TNIK: variants seen among roughly 807,000 people sequenced by gnomAD.
TNIK encodes TRAF2 and NCK interacting kinase.
A neutral mutation model predicts 191.3 loss-of-function variants in TNIK; 49 were observed. That is an observed-to-expected ratio of 0.26 (90% confidence interval 0.20 to 0.32). The LOEUF is 0.32. Among genes scored for constraint, TNIK ranks in the 10% least tolerant of loss-of-function variants. The probability of loss-of-function intolerance (pLI) is 1.00; values close to 1 mark genes in which losing one functional copy is unlikely to be tolerated. For synonymous variants in TNIK, 594 were observed against 600.9 expected, an observed-to-expected ratio of 0.99 and a Z score of 0.17; for missense variants, 1,155 against 1,702.3, an observed-to-expected ratio of 0.68 and a Z score of 5.66.
chr3:171,327,718 T>G (rs1755934011), intron 2 of TNIK, among the ~76,000 whole-genome samples: 1 of 151,726 alleles, frequency 6.6e-6, no homozygotes, highest in South Asian at 2.1e-4. Context: ...AAGGGGGGTG[T>G]GTAATGTGTT....
intron 2 of TNIK, among the ~76,000 whole-genome samples, chr3:171,319,841 T>G (rs2108328381): frequency 6.6e-6 from 1 of 152,256 alleles, no homozygotes; most frequent in South Asian, 2.1e-4. Context: ...TAATAGATAT[T>G]CCAATGTTGC....
At chr3:171,082,584 A>G in intron 26 of TNIK, 190 bp from the exon 27 acceptor site, 1 of 690,728 alleles carries the variant, frequency 1.4e-6, no homozygotes, top group East Asian at 2.9e-5. Flanking sequence ...TAATGAAATT[A>G]CAGTTTTCTT....
intron 1 of TNIK, among the ~76,000 whole-genome samples, chr3:171,397,023 G>A (rs147162920): frequency 1.1e-3 from 160 of 152,316 alleles, no homozygotes; most frequent in African/African-American, 3.6e-3. Context: ...CCAAGAGTCT[G>A]AATTGCCAGA....
At position 171,275,397 on chromosome 3, in the gene TNIK, A is replaced by C. The variant is rs367704020; in HGVS notation, c.124-47176T>G. 7.3e-4 allele frequency among the ~76,000 whole-genome samples: 111 copies of C among 152,006 alleles called. 1 individual carries two copies. The South Asian group carries it at 0.021, about 29-fold the overall frequency. Reference sequence around the variant, plus strand: ...TGAAGGAAATACACATAAGACAGGCAATAGAAAAGAATTTCAAAAATTTAA... The same window carrying C: ...TGAAGGAAATACACATAAGACAGGCCATAGAAAAGAATTTCAAAAATTTAA... On this transcript the variant is annotated intron_variant, in intron 2 of 32. Transcript: ENST00000436636.
At chr3:171,197,686 A>T (rs1185391599) in intron 4 of TNIK, among the ~76,000 whole-genome samples, 1 of 152,232 alleles carries the variant, frequency 6.6e-6, no homozygotes, top group African/African-American at 2.4e-5. Flanking sequence ...GGAAAATACA[A>T]ACCAAAACCA....
chr3:171,321,798 C>CTATATT (rs1755193269), intron 2 of TNIK, among the ~76,000 whole-genome samples: 1 of 152,166 alleles, frequency 6.6e-6, no homozygotes, highest in African/African-American at 2.4e-5. Flanking sequence ...CTCAGAGCCA[C>CTATATT]TATTTTAAAA....
chr3:171,085,309 G>T, intron 24 of TNIK, 80 bp from the exon 25 acceptor site: 1 of 1,312,628 alleles, frequency 7.6e-7, no homozygotes, highest in Non-Finnish European at 1.0e-6. Context: ...TGCTTGGGCT[G>T]TAAAACGATC....
At position 171,167,219 on chromosome 3, in the gene TNIK, G is replaced by C; in HGVS notation, c.825C>G (p.Ser275Arg). Residue 275 changes from serine (S) to arginine (R), a missense_variant, in exon 10 of 33, where the codon AGC (serine) becomes AGG (arginine). Ser to Arg is a moderately radical substitution (Grantham distance 110, BLOSUM62 -1). Transcript: ENST00000436636. The stretch of plus-strand genomic sequence containing the variant: ...TCAATTGTTCTGTTGCTGGTCGCTG[G>C]CTGTGATTCTTTACCAAGCAGCTCT... ...FIESCLVKNH[S>R]QRPATEQLMK... 1 of 1,613,900 alleles carries C rather than the reference G, an allele frequency of 6.2e-7. No homozygotes were observed.
At chr3:171,222,844 T>A (rs1204640413) in intron 3 of TNIK, among the ~76,000 whole-genome samples, 2 of 152,248 alleles carry the variant, frequency 1.3e-5, no homozygotes, top group East Asian at 3.9e-4. Context: ...ACTCTCCTGT[T>A]CAACTTCTGG....
chr3:171,454,091 G>A lies in TNIK; in HGVS notation c.57+5916C>T, dbSNP rs542138063. Among the ~76,000 whole-genome samples the A allele has an allele frequency of 2.6e-5, 4 of 152,340 alleles. No individual in the cohort carries two copies. The East Asian group carries it at 5.8e-4, about 22-fold the overall frequency. On this transcript the variant is annotated intron_variant, in intron 1 of 32. Coordinates refer to ENST00000436636, the MANE Select transcript of TNIK (RefSeq NM_015028.4). ...CAAACCAGTTTAGGCCCTGTTCTCAGAGAGCTACTTCCCCCACAGAAATGT... is the reference window on the plus strand; with the variant it reads ...CAAACCAGTTTAGGCCCTGTTCTCAAAGAGCTACTTCCCCCACAGAAATGT...
intron 8 of TNIK, among the ~76,000 whole-genome samples, chr3:171,177,064 C>T (rs1351816053): frequency 6.6e-6 from 1 of 151,442 alleles, no homozygotes; most frequent in East Asian, 1.9e-4. Context: ...TGTACAGAAT[C>T]TGTAAAACAA....
At chr3:171,194,495 G>T in intron 5 of TNIK, 30 bp downstream of exon 5, 1 of 1,585,012 alleles carries the variant, frequency 6.3e-7, no homozygotes, top group Non-Finnish European at 8.6e-7. Flanking sequence ...AAGACTTTGG[G>T]AGGTGGGCCA....
At chr3:171,307,018 A>G (rs1236224273) in intron 2 of TNIK, among the ~76,000 whole-genome samples, 2 of 152,224 alleles carry the variant, frequency 1.3e-5, no homozygotes, top group Non-Finnish European at 2.9e-5. Context: ...GTGCATCTTC[A>G]GAAAAAAGAT....
chr3:171,178,186 A>G lies in TNIK; in HGVS notation c.640-806T>C, dbSNP rs1360885258. 2.0e-5 allele frequency among the ~76,000 whole-genome samples: 3 copies of G among 152,278 alleles called. No individual in the cohort carries two copies. The East Asian group carries it at 5.8e-4, about 29-fold the overall frequency. On this transcript the variant is annotated intron_variant, in intron 7 of 32. Transcript: ENST00000436636. ...GAGGGTGTATGCTTTTATTTCTTTT[A>G]GTTAAATACCTGAGAGTGGAATGGC...
chr3:171,256,530 T>G (rs1040801288), intron 2 of TNIK, among the ~76,000 whole-genome samples: 1 of 152,072 alleles, frequency 6.6e-6, no homozygotes, highest in Non-Finnish European at 1.5e-5. Flanking sequence ...AAGGACAGAG[T>G]GCTGGCCATG....
At chr3:171,240,789 T>C (rs1744869229) in intron 2 of TNIK, among the ~76,000 whole-genome samples, 1 of 152,214 alleles carries the variant, frequency 6.6e-6, no homozygotes, top group Admixed American at 6.5e-5. Flanking sequence ...CCTCCTTCCC[T>C]GCTTTACAGA....
rs143040368 is a variant in TNIK at position 171,300,199 on chromosome 3, G to C, written c.123+69421C>G. ...CGCTGGGTGATGAGTCTTTAGATAT[G>C]AGCACATTTATAAGTAACTTTATGG... On this transcript the variant is annotated intron_variant, in intron 2 of 32. Coordinates refer to ENST00000436636, the MANE Select transcript of TNIK (RefSeq NM_015028.4). Among the ~76,000 whole-genome samples, 116 of 152,284 alleles carry C rather than the reference G, an allele frequency of 7.6e-4. 1 individual carries two copies. The highest frequency in any genetic ancestry group is 1.5e-3 in the Non-Finnish European group (100 of 68,024).
chr3:171,309,222 G>C (rs1321772821), intron 2 of TNIK, among the ~76,000 whole-genome samples: 1 of 152,126 alleles, frequency 6.6e-6, no homozygotes, highest in East Asian at 1.9e-4. Flanking sequence ...ATGCATCCAT[G>C]AGAAAGAATG....
chr3:171,415,982 A>AAAAAC, intron 1 of TNIK, among the ~76,000 whole-genome samples: 1 of 146,582 alleles, frequency 6.8e-6, no homozygotes, highest in Non-Finnish European at 1.5e-5. Context: ...TCAAAAAAAA[A>AAAAAC]AAAAAAAAAA....
Sources: gnomAD v4.1 joint callset for allele counts (sites outside exome capture counted in the v4.1 genomes callset) on GRCh38, gnomAD v4.1.1 for gene constraint, MANE v1.5 for transcripts, NCBI Gene and HGNC (gene_info 2026-07-23, HGNC 2026-07-21) for gene names.